C5orf47: variants seen among roughly 807,000 people sequenced by gnomAD.
The protein encoded by C5orf47 is uncharacterized protein C5orf47.
C5orf47 carries 20 observed loss-of-function variants against 20.6 expected under a neutral mutation model. The ratio of observed to expected loss-of-function variants is 0.97; its 90% CI spans 0.68 to 1.41. The LOEUF is 1.41. Ranked by LOEUF, C5orf47 falls within the 40% of genes most tolerant of loss-of-function variation. The pLI is 0.00. For missense variants in C5orf47, 262 were observed against 238.4 expected (o/e 1.10, Z -0.65); for synonymous variants, 106 against 97.3 (o/e 1.09, Z -0.53).
At position 174,005,410 on chromosome 5, in the gene C5orf47, A is replaced by G. The variant is rs1279257741; in HGVS notation, c.*1156A>G. 1 of 152,308 alleles carries G rather than the reference A, an allele frequency of 6.6e-6. No homozygotes were observed. Among genetic ancestry groups the G allele is most frequent in the Non-Finnish European group, 1.5e-5 (1 of 68,034 alleles). 9.4% of individuals were successfully genotyped at this position (152,308 alleles called of 1,614,324 possible). On this transcript the variant is annotated 3_prime_UTR_variant, in exon 5 of 5. Coordinates refer to ENST00000340147, the MANE Select transcript of C5orf47 (RefSeq NM_001144954.2). Reference sequence around the variant, plus strand: ...TTCCTCTAATAGTTGTAACTTAATTACTTCAGGAGACTACGACAGTGTAGA... The same window carrying G: ...TTCCTCTAATAGTTGTAACTTAATTGCTTCAGGAGACTACGACAGTGTAGA...
At chr5:173,991,392 C>T (rs1214025279) in intron 1 of C5orf47, among the ~76,000 whole-genome samples, 1 of 152,094 alleles carries the variant, frequency 6.6e-6, no homozygotes, top group Admixed American at 6.6e-5. Flanking sequence ...TGTTCCTGAC[C>T]ATAGGGGAAA....
downstream of C5orf47, among the ~76,000 whole-genome samples, chr5:174,007,029 CTGCACCAGA>C (rs1486038577): frequency 1.3e-5 from 2 of 151,920 alleles, no homozygotes; most frequent in African/African-American, 2.4e-5. Flanking sequence ...ATTCTTAGAA[CTGCACCAGA>C]GATAGCCTGA....
chr5:173,989,792 A>T (rs955697867), intron 1 of C5orf47, among the ~76,000 whole-genome samples: 5 of 152,220 alleles, frequency 3.3e-5, no homozygotes, highest in Non-Finnish European at 7.3e-5. Flanking sequence ...GGCACCTGAC[A>T]TAAGAGGAGA....
At chr5:174,001,342 T>C in intron 4 of C5orf47, 111 bp downstream of exon 4, 2 of 650,472 alleles carry the variant, frequency 3.1e-6, no homozygotes, top group South Asian at 4.2e-5. Context: ...AATTCCAGCC[T>C]ATTTCCTTTC....
In C5orf47 at chr5:173,999,762, T is replaced by C. The variant is rs187191495; in HGVS notation, c.474T>C (p.Tyr158=). 26 of 1,536,614 alleles carry C rather than the reference T, an allele frequency of 1.7e-5. No homozygotes were observed. The highest frequency in any genetic ancestry group is 7.4e-5 in the East Asian group (3 of 40,742). ...GAATGCTTGAAGAAAATGAAAAATA[T>C]AGACACAGGCTGAAATGCCAAAGGT... The part of the protein sequence containing the change: ...ISRMLEENEK[Y]RHRLKCQRLS... Residue 158 remains tyrosine (Y), a synonymous_variant, in exon 3 of 5, where the codon TAT becomes TAC. Transcript: ENST00000340147.
At chr5:173,993,497 T>C (rs1759035618) in intron 1 of C5orf47, among the ~76,000 whole-genome samples, 1 of 152,012 alleles carries the variant, frequency 6.6e-6, no homozygotes, top group South Asian at 2.1e-4. Context: ...AAAAATTAGC[T>C]GGGTGTGGTG....
chr5:173,994,441 G>C (rs1053608027), intron 1 of C5orf47, among the ~76,000 whole-genome samples: 3 of 152,186 alleles, frequency 2.0e-5, no homozygotes, highest in African/African-American at 7.2e-5. Context: ...CTCTGGATCT[G>C]AACTTGTTAA....
chr5:173,997,550 A>G (rs1442435069), intron 1 of C5orf47, among the ~76,000 whole-genome samples: 1 of 152,164 alleles, frequency 6.6e-6, no homozygotes, highest in Non-Finnish European at 1.5e-5. Flanking sequence ...GTCAGAGCCT[A>G]GTGGAGGAAA....
chr5:174,006,257 G>A (rs1759292205), downstream of C5orf47: 1 of 152,280 alleles, frequency 6.6e-6, no homozygotes, highest in African/African-American at 2.4e-5. Context: ...TGGATGAAAG[G>A]CATTTTATTT....
Position 173,998,220 on chromosome 5 carries a change from A to G in C5orf47, c.393A>G (p.Ile131Met). Residue 131 changes from isoleucine (I) to methionine (M), a missense_variant, in exon 2 of 5, where the codon ATA (isoleucine) becomes ATG (methionine). By Grantham distance (10) the Ile-to-Met change is conservative (BLOSUM62 1). Coordinates refer to ENST00000340147, the MANE Select transcript of C5orf47 (RefSeq NM_001144954.2). ...FPIPLNEASK[I>M]MKKKKKVLVW... ...TACCATTGAATGAAGCTTCCAAAATAATGAAGAAAAAGAAAAAGGTATATT... is the reference window on the plus strand; with the variant it reads ...TACCATTGAATGAAGCTTCCAAAATGATGAAGAAAAAGAAAAAGGTATATT... 6.5e-7 allele frequency: 1 copy of G among 1,530,638 alleles called. No homozygotes were observed. The highest frequency in any genetic ancestry group is 1.8e-4 in the Middle Eastern group (1 of 5,698). 94.8% of individuals were successfully genotyped at this position (1,530,638 alleles called of 1,614,324 possible). A position where few individuals can be genotyped will look rare whatever the true frequency, so the allele number is the denominator to read the frequency against.
At chr5:174,003,878 C>G (rs1759241288) in intron 4 of C5orf47, among the ~76,000 whole-genome samples, 1 of 152,112 alleles carries the variant, frequency 6.6e-6, no homozygotes, top group Non-Finnish European at 1.5e-5. Context: ...AATATGTCAT[C>G]TAGGAACATT....
intron 3 of C5orf47, among the ~76,000 whole-genome samples, chr5:174,000,461 ACAAG>A (rs1759175793): frequency 6.6e-6 from 1 of 152,168 alleles, no homozygotes; most frequent in African/African-American, 2.4e-5. Flanking sequence ...TTGATAAATC[ACAAG>A]TTATTTTCTT....
chr5:173,999,804 G>A lies in C5orf47; in HGVS notation c.511+5G>A, dbSNP rs1401561912. ...GCCAAAGGTTATCTAGTGAAAGTAA[G>A]TTAACACAATTTTTATTGTATTAAA... On this transcript the variant is annotated splice_donor_5th_base_variant and intron_variant, in intron 3 of 4. Coordinates refer to ENST00000340147, the MANE Select transcript of C5orf47 (RefSeq NM_001144954.2). 11 of 1,459,444 alleles carry A rather than the reference G, an allele frequency of 7.5e-6. No homozygotes were observed. Among genetic ancestry groups the A allele is most frequent in the Non-Finnish European group, 1.0e-5 (11 of 1,072,626 alleles). 90.4% of individuals were successfully genotyped at this position (1,459,444 alleles called of 1,614,324 possible).
intron 1 of C5orf47, among the ~76,000 whole-genome samples, chr5:173,990,791 G>A (rs957566598): frequency 1.3e-5 from 2 of 152,172 alleles, no homozygotes; most frequent in Non-Finnish European, 1.5e-5. Context: ...CGTATGTTTC[G>A]AAGAGGTTTG....
intron 4 of C5orf47, among the ~76,000 whole-genome samples, chr5:174,002,745 G>A (rs1394856193): frequency 6.6e-6 from 1 of 151,556 alleles, no homozygotes; most frequent in African/African-American, 2.4e-5. Flanking sequence ...TTTCCCTATT[G>A]CCCCAATAGT....
At position 173,989,543 on chromosome 5, in the gene C5orf47, CG is replaced by C; in HGVS notation, c.283del (p.Ala95HisfsTer16). On this transcript the variant is annotated frameshift_variant, in exon 1 of 5. Coordinates refer to ENST00000340147, the MANE Select transcript of C5orf47 (RefSeq NM_001144954.2). LOFTEE classifies it high-confidence loss of function. ...TGCGGCCTCTGCCTCCTCCCAGCTG[CG>C]GGCATCGAGAGTTCAGAGCGGCACC... The part of the protein sequence containing the change: ...EAAASASSQL[R>X]ASRVQSGTRQ... 1 of 1,518,598 alleles carries C rather than the reference CG, an allele frequency of 6.6e-7. No homozygotes were observed. The allele number at this position is 1,518,598 out of a possible 1,614,324, so 94.1% of individuals were successfully genotyped here.
intron 1 of C5orf47, among the ~76,000 whole-genome samples, chr5:173,995,119 GTTAATA>G (rs898806421): frequency 1.3e-5 from 2 of 152,076 alleles, no homozygotes; most frequent in African/African-American, 2.4e-5. Context: ...AGCCCTTAAT[GTTAATA>G]TTAAGTAGAC....
At chr5:173,992,668 A>C (rs753250792) in intron 1 of C5orf47, among the ~76,000 whole-genome samples, 5 of 152,162 alleles carry the variant, frequency 3.3e-5, no homozygotes, top group Non-Finnish European at 7.3e-5. Context: ...TTTCGTTGTC[A>C]CTATTTTTAG....
At position 174,005,497 on chromosome 5, in the gene C5orf47, A is replaced by C. The variant is rs566008477; in HGVS notation, c.*1243A>C. 4 of 152,448 alleles carry C rather than the reference A, an allele frequency of 2.6e-5. No individual in the cohort carries two copies. The highest frequency in any genetic ancestry group is 7.2e-5 in the African/African-American group (3 of 41,572). 9.4% of individuals were successfully genotyped at this position (152,448 alleles called of 1,614,324 possible). On this transcript the variant is annotated 3_prime_UTR_variant, in exon 5 of 5. Coordinates refer to ENST00000340147, the MANE Select transcript of C5orf47 (RefSeq NM_001144954.2). ...AAATCCACCTGTTTCTAGATGAAGG[A>C]CACATTGCCTGGGGAAATGGCCTCG...
Sources: allele counts gnomAD v4.1 joint callset (sites outside exome capture counted in the v4.1 genomes callset), GRCh38; gene constraint gnomAD v4.1.1; transcripts MANE v1.5; gene names NCBI Gene and HGNC (gene_info 2026-07-23, HGNC 2026-07-21).